PCNX2: variants seen among roughly 807,000 people sequenced by gnomAD.
PCNX2 encodes the protein pecanex 2, also known as pecanex-like protein 2.
In PCNX2, 168 loss-of-function variants were observed where a neutral mutation model predicts 223.8. The observed-to-expected ratio is 0.75, with a 90% CI of 0.66 to 0.85. The LOEUF (loss-of-function observed/expected upper bound fraction) is 0.85, where lower values mean the gene tolerates loss of function less well. PCNX2 is among the 40% of genes least tolerant of loss of function. The probability of loss-of-function intolerance (pLI) is 0.00; values close to 1 mark genes in which losing one functional copy is unlikely to be tolerated. For missense variants in PCNX2, 2,507 were observed against 2,675.5 expected (o/e 0.94, Z 1.39); for synonymous variants, 1,006 against 1,052.6 (o/e 0.96, Z 0.86).
At chr1:233,041,098 T>C (rs1671629583) in intron 25 of PCNX2, among the ~76,000 whole-genome samples, 1 of 152,156 alleles carries the variant, frequency 6.6e-6, no homozygotes, top group South Asian at 2.1e-4. Flanking sequence ...CCTTACATAT[T>C]AAATACATTC....
rs370283946 is a variant in PCNX2, at chr1:233,219,565, T to C, written c.2505-1381A>G. Reference sequence around the variant, plus strand: ...GTTTTTCTACCCCACTAAGCTGATATTGTTTTTTAGACAAGAATATTTGGC... The same window carrying C: ...GTTTTTCTACCCCACTAAGCTGATACTGTTTTTTAGACAAGAATATTTGGC... On this transcript the variant is annotated intron_variant, in intron 10 of 33. Transcript: ENST00000258229. Among the ~76,000 whole-genome samples, 21 of 152,212 alleles carry C rather than the reference T, an allele frequency of 1.4e-4. No individual in the cohort carries two copies. The South Asian group carries it at 3.7e-3, about 27-fold the overall frequency.
chr1:233,099,781 G>A (rs1015065626), intron 21 of PCNX2, among the ~76,000 whole-genome samples: 1 of 152,128 alleles, frequency 6.6e-6, no homozygotes, highest in African/African-American at 2.4e-5. Context: ...CACCACACTG[G>A]CCATTGTGTA....
At chr1:233,119,013 G>C (rs1467187495) in intron 21 of PCNX2, among the ~76,000 whole-genome samples, 1 of 152,068 alleles carries the variant, frequency 6.6e-6, no homozygotes, top group Non-Finnish European at 1.5e-5. Flanking sequence ...AAACAGATGG[G>C]TCAATAGAAT....
At chr1:233,296,897 C>T (rs1185217843), upstream of PCNX2, among the ~76,000 whole-genome samples, 2 of 152,226 alleles carry the variant, frequency 1.3e-5, no homozygotes, top group Non-Finnish European at 2.9e-5. Context: ...GGGCCCAGGA[C>T]ATGAAAGGCC....
the PCNX2 span, among the ~76,000 whole-genome samples, chr1:233,309,907 A>C: frequency 1.3e-5 from 2 of 152,068 alleles, no homozygotes; most frequent in Admixed American, 6.6e-5. Flanking sequence ...AAATAATAAA[A>C]ATTTTTGGAA....
intron 23 of PCNX2, among the ~76,000 whole-genome samples, chr1:233,078,227 C>G (rs1025868875): frequency 6.6e-6 from 1 of 152,208 alleles, no homozygotes; most frequent in African/African-American, 2.4e-5. Context: ...AGAATGAGAA[C>G]ACACCGTGGA....
chr1:233,190,568 G>C (rs1231495660), intron 15 of PCNX2, among the ~76,000 whole-genome samples: 1 of 152,154 alleles, frequency 6.6e-6, no homozygotes, highest in Non-Finnish European at 1.5e-5. Flanking sequence ...TTTTACTACA[G>C]ACTATAGTAT....
intron 25 of PCNX2, among the ~76,000 whole-genome samples, chr1:233,051,844 T>C (rs978644603): frequency 3.9e-5 from 6 of 152,034 alleles, no homozygotes; most frequent in Non-Finnish European, 7.4e-5. Context: ...AAATCTAAAA[T>C]GAAAATTGAA....
At chr1:233,214,018 G>A (rs1035611113) in intron 12 of PCNX2, among the ~76,000 whole-genome samples, 7 of 151,350 alleles carry the variant, frequency 4.6e-5, no homozygotes, top group African/African-American at 7.3e-5. Flanking sequence ...TAGTAGAGAC[G>A]GGGTTTCACC....
chr1:233,086,501 C>CAA (rs531779532), intron 23 of PCNX2, among the ~76,000 whole-genome samples: 2,292 of 142,768 alleles, frequency 0.016, 28 homozygotes, highest in South Asian at 0.03. Context: ...ACTAAAAATA[C>CAA]AAAAAAAAAA....
chr1:233,057,964 G>A, intron 23 of PCNX2: 1 of 985,396 alleles, frequency 1.0e-6, no homozygotes, highest in Middle Eastern at 5.2e-4. Flanking sequence ...TCAGGAAATG[G>A]TGGTGAGTAG....
At chr1:233,003,996 C>G (rs937304785) in intron 28 of PCNX2, among the ~76,000 whole-genome samples, 1 of 151,920 alleles carries the variant, frequency 6.6e-6, no homozygotes, top group African/African-American at 2.4e-5. Flanking sequence ...ACACCGGGGC[C>G]TGTTGGAGGG....
intron 25 of PCNX2, among the ~76,000 whole-genome samples, chr1:233,037,537 G>T (rs758147446): frequency 2.3e-5 from 3 of 130,996 alleles, no homozygotes; most frequent in Admixed American, 7.4e-5. Flanking sequence ...TTAGAGATGG[G>T]GTTTCACTAT....
chr1:233,222,739 C>T (rs1033919719), intron 10 of PCNX2, among the ~76,000 whole-genome samples: 2 of 152,104 alleles, frequency 1.3e-5, no homozygotes, highest in East Asian at 3.9e-4. Context: ...AAAGACGACT[C>T]AAGGACGACT....
intron 7 of PCNX2, 45 bp downstream of exon 7, chr1:233,252,309 C>G (rs757919754): frequency 2.6e-6 from 4 of 1,566,274 alleles, no homozygotes; most frequent in Non-Finnish European, 3.5e-6. Context: ...AGAAAGCTGA[C>G]AGTTTTCCCT....
At chr1:233,072,631 T>A (rs997689205) in intron 23 of PCNX2, among the ~76,000 whole-genome samples, 1 of 152,228 alleles carries the variant, frequency 6.6e-6, no homozygotes, top group South Asian at 2.1e-4. Context: ...GCAAAATGAT[T>A]TTTCTGGATC....
At chr1:233,007,589 G>A (rs1034519946) in intron 28 of PCNX2, among the ~76,000 whole-genome samples, 2 of 152,160 alleles carry the variant, frequency 1.3e-5, no homozygotes, top group African/African-American at 2.4e-5. Context: ...CCAGGCTGGA[G>A]TGCCGTGGCG....
At chr1:233,215,590 C>A (rs149301233) in intron 12 of PCNX2, among the ~76,000 whole-genome samples, 59 of 152,322 alleles carry the variant, frequency 3.9e-4, no homozygotes, top group African/African-American at 1.4e-3. Context: ...CTGGGATGTC[C>A]TGCATTATTT....
At chr1:233,279,920 C>T (rs1200533746) in intron 1 of PCNX2, among the ~76,000 whole-genome samples, 2 of 152,202 alleles carry the variant, frequency 1.3e-5, no homozygotes, top group Non-Finnish European at 2.9e-5. Flanking sequence ...ACTGCCTTCA[C>T]CTGTTCTTTA....
Sources: allele counts gnomAD v4.1 joint callset (sites outside exome capture counted in the v4.1 genomes callset), GRCh38; gene constraint gnomAD v4.1.1; transcripts MANE v1.5; gene names NCBI Gene and HGNC (gene_info 2026-07-23, HGNC 2026-07-21).